Variants in KCNN2 observed in about 807,000 individuals in gnomAD.
The protein encoded by KCNN2 is potassium calcium-activated channel subfamily N member 2.
A neutral mutation model predicts 55.5 loss-of-function variants in KCNN2; 24 were observed. The observed-to-expected ratio is 0.43, with a 90% CI of 0.31 to 0.61. The LOEUF (loss-of-function observed/expected upper bound fraction) is 0.61. Ranked by LOEUF, KCNN2 falls within the 20% of genes least tolerant of loss-of-function variation. The pLI is 0.08. For missense variants in KCNN2, 754 were observed against 853.6 expected (o/e 0.88, Z 1.45); for synonymous variants, 431 against 336.1 (o/e 1.28, Z -3.09).
rs543196793 is a variant in KCNN2, at chr5:114,229,113, C to T, written c.-185+7548C>T. ...TTTATGATTGTACTAAAAATTAAAA[C>T]AAATTTGATTACTTTTCAGAACTTT... On this transcript the variant is annotated intron_variant, in intron 2 of 10. Coordinates refer to the KCNN2 transcript ENST00000512097. 2.8e-3 allele frequency among the ~76,000 whole-genome samples: 430 copies of T among 151,916 alleles called. 2 individuals are homozygous for T. Among genetic ancestry groups the T allele is most frequent in the Non-Finnish European group, 5.0e-3 (338 of 67,814 alleles).
chr5:114,211,605 G>A (rs767827738), intron 1 of KCNN2, among the ~76,000 whole-genome samples: 1 of 152,012 alleles, frequency 6.6e-6, no homozygotes, highest in African/African-American at 2.4e-5. Context: ...TAACTGTTGG[G>A]TAGTAGGCTT....
At chr5:114,095,300 G>T (rs754813888) in intron 1 of KCNN2, among the ~76,000 whole-genome samples, 2 of 152,146 alleles carry the variant, frequency 1.3e-5, no homozygotes, top group Non-Finnish European at 2.9e-5. Flanking sequence ...GCACTTGTGA[G>T]GTTTCTGGCA....
intron 1 of KCNN2, among the ~76,000 whole-genome samples, chr5:114,130,904 T>C (rs2112611507): frequency 6.6e-6 from 1 of 152,196 alleles, no homozygotes; most frequent in East Asian, 1.9e-4. Context: ...TTCATCTTAC[T>C]ACTCTGTCTG....
At chr5:114,099,211 A>G (rs1391312533) in intron 1 of KCNN2, among the ~76,000 whole-genome samples, 1 of 152,076 alleles carries the variant, frequency 6.6e-6, no homozygotes. Context: ...GACCAGTCCA[A>G]TTTGGGGCCA....
intron 1 of KCNN2, among the ~76,000 whole-genome samples, chr5:114,150,946 G>A (rs752773901): frequency 6.6e-5 from 10 of 152,078 alleles, no homozygotes; most frequent in East Asian, 1.9e-4. Context: ...GCTTGAACCC[G>A]GGAGGCAGAG....
intron 2 of KCNN2, among the ~76,000 whole-genome samples, chr5:114,244,326 G>A (rs1263149700): frequency 4.0e-5 from 3 of 75,142 alleles, no homozygotes. Context: ...AAAAAAAGAG[G>A]CTGGGCATGG....
chr5:114,390,213 G>A (rs1496390), intron 2 of KCNN2, among the ~76,000 whole-genome samples: 45,363 of 151,984 alleles, frequency 0.3, 7,061 homozygotes, highest in Non-Finnish European at 0.35. Context: ...CAAACACGTT[G>A]GCTTATATTT....
intron 1 of KCNN2, among the ~76,000 whole-genome samples, chr5:114,070,885 G>A (rs1367133246): frequency 2.0e-5 from 3 of 152,088 alleles, no homozygotes; most frequent in Non-Finnish European, 4.4e-5. Flanking sequence ...AGGAGTTTGA[G>A]GAATTAATGC....
rs1442020617 is a variant in KCNN2, at chr5:114,241,741, CGTATATATAT to C, written c.-185+20187_-185+20196del. On this transcript the variant is annotated intron_variant, in intron 2 of 10. Coordinates refer to the KCNN2 transcript ENST00000512097. The stretch of plus-strand genomic sequence containing the variant: ...ATATACGTATATATATACATATATA[CGTATATATAT>C]GTATATATATACGTATATATATACA... Among the ~76,000 whole-genome samples the C allele has an allele frequency of 1.2e-3, 23 of 18,562 alleles. 4 individuals carry two copies. The highest frequency in any genetic ancestry group is 1.7e-3 in the Non-Finnish European group (17 of 10,188). 12.2% of individuals were successfully genotyped at this position (18,562 alleles called of 152,430 possible). A position where few individuals can be genotyped will look rare whatever the true frequency, so the allele number is the denominator to read the frequency against.
chr5:114,411,678 G>A (rs575642282), intron 3 of KCNN2, among the ~76,000 whole-genome samples: 2 of 152,098 alleles, frequency 1.3e-5, no homozygotes, highest in Admixed American at 6.5e-5. Context: ...GAGAGGGGGC[G>A]GGAGAGAGAG....
chr5:114,059,393 T>C (rs899891597), intron 1 of KCNN2, among the ~76,000 whole-genome samples: 9 of 152,194 alleles, frequency 5.9e-5, no homozygotes, highest in African/African-American at 2.2e-4. Context: ...AGGGAGATTT[T>C]AGGGCAAGAG....
chr5:114,168,712 A>G (rs1359386080), intron 1 of KCNN2, among the ~76,000 whole-genome samples: 1 of 152,020 alleles, frequency 6.6e-6, no homozygotes, highest in Non-Finnish European at 1.5e-5. Context: ...TAGCAAAACC[A>G]TTTCTTGTCC....
chr5:114,122,135 T>C (rs1751841100), intron 1 of KCNN2, among the ~76,000 whole-genome samples: 1 of 152,168 alleles, frequency 6.6e-6, no homozygotes, highest in Non-Finnish European at 1.5e-5. Context: ...GCACAATGAA[T>C]GATGTGGTGT....
chr5:114,494,891 T>C (rs1033614536), intron 7 of KCNN2, among the ~76,000 whole-genome samples: 1 of 152,094 alleles, frequency 6.6e-6, no homozygotes, highest in African/African-American at 2.4e-5. Context: ...CTTTAAAAGA[T>C]TGTTAAGCAG....
At chr5:114,468,483 A>G (rs1761557179) in intron 4 of KCNN2, among the ~76,000 whole-genome samples, 1 of 152,156 alleles carries the variant, frequency 6.6e-6, no homozygotes, top group Non-Finnish European at 1.5e-5. Context: ...TTATTTTTAC[A>G]TAAAAGCGTG....
chr5:114,370,998 C>T (rs1757747529), intron 2 of KCNN2, among the ~76,000 whole-genome samples: 1 of 152,090 alleles, frequency 6.6e-6, no homozygotes, highest in African/African-American at 2.4e-5. Flanking sequence ...GGCTTAATAG[C>T]ATTCTTGCTT....
At chr5:114,105,829 T>G (rs115517149) in intron 1 of KCNN2, among the ~76,000 whole-genome samples, 7,324 of 152,092 alleles carry the variant, frequency 0.048, 199 homozygotes, top group Non-Finnish European at 0.06. Flanking sequence ...AATATATATT[T>G]AGTTTATTTG....
At chr5:114,427,134 T>A (rs1212272532) in intron 3 of KCNN2, among the ~76,000 whole-genome samples, 1 of 152,192 alleles carries the variant, frequency 6.6e-6, no homozygotes, top group Non-Finnish European at 1.5e-5. Context: ...ACTTGTTCTC[T>A]TCTCCCCCTG....
intron 2 of KCNN2, among the ~76,000 whole-genome samples, chr5:114,399,930 GTTTTTTT>G (rs35266559): frequency 7.7e-6 from 1 of 129,866 alleles, no homozygotes; most frequent in Non-Finnish European, 1.7e-5. Flanking sequence ...TTTTTTTTTT[GTTTTTTT>G]TTTTTGTATT....
Sources: gnomAD v4.1 joint callset for allele counts (sites outside exome capture counted in the v4.1 genomes callset) on GRCh38, gnomAD v4.1.1 for gene constraint, MANE v1.5 for transcripts, NCBI Gene and HGNC (gene_info 2026-07-23, HGNC 2026-07-21) for gene names.